The following KDM2A variants were observed in gnomAD, a reference collection of about 807,000 sequenced individuals.
KDM2A encodes the protein lysine-specific demethylase 2A.
KDM2A carries 3 observed loss-of-function variants against 137.3 expected under a neutral mutation model. The observed-to-expected ratio is 0.02, with a 90% CI of 0.01 to 0.06. KDM2A has a LOEUF of 0.06. Among genes scored for constraint, KDM2A ranks in the 10% least tolerant of loss-of-function variants. The pLI is 1.00. For missense variants in KDM2A, 738 were observed against 1,510.6 expected, an observed-to-expected ratio of 0.49 and a Z score of 8.48; for synonymous variants, 512 against 541.5, an observed-to-expected ratio of 0.95 and a Z score of 0.76.
chr11:67,242,580 A>C (rs1859078840), intron 12 of KDM2A, among the ~76,000 whole-genome samples: 1 of 152,202 alleles, frequency 6.6e-6, no homozygotes, highest in South Asian at 2.1e-4. Flanking sequence ...CACCACAGTA[A>C]GTTAGTTGTT....
At chr11:67,173,628 A>T (rs1490283580) in intron 2 of KDM2A, among the ~76,000 whole-genome samples, 1 of 152,048 alleles carries the variant, frequency 6.6e-6, no homozygotes. Flanking sequence ...GGCCAAAGTC[A>T]TCTGCCCGCC....
intron 2 of KDM2A, among the ~76,000 whole-genome samples, chr11:67,179,295 C>T (rs1218582188): frequency 1.3e-5 from 2 of 151,760 alleles, no homozygotes; most frequent in East Asian, 1.9e-4. Flanking sequence ...TTTTTTGAGA[C>T]GAAGTTTTGC....
chr11:67,245,088 G>C lies in KDM2A; in HGVS notation c.1564-101G>C. ...CAAGCAGTGGGCAGATCTGGCCATAGTGGGCCAAGCCCCAGGCTAGGTATG... is the reference window on the plus strand; with the variant it reads ...CAAGCAGTGGGCAGATCTGGCCATACTGGGCCAAGCCCCAGGCTAGGTATG... On this transcript the variant is annotated intron_variant, in intron 13 of 20. Coordinates refer to ENST00000529006, the MANE Select transcript of KDM2A (RefSeq NM_012308.3). This position sits in a 1 kb window ranked among gnomAD's most constrained non-coding sequence, Gnocchi z 4.1. 2 of 1,360,524 alleles carry C rather than the reference G, an allele frequency of 1.5e-6. No individual in the cohort carries two copies. Among genetic ancestry groups the C allele is most frequent in the Non-Finnish European group, 2.0e-6 (2 of 989,956 alleles). 84.3% of individuals were successfully genotyped at this position (1,360,524 alleles called of 1,614,324 possible).
In KDM2A at chr11:67,250,080, T is replaced by C; in HGVS notation, c.2056-6T>C. 6.4e-7 allele frequency: 1 copy of C among 1,573,186 alleles called. No homozygotes were observed. The highest frequency in any genetic ancestry group is 1.2e-5 in the South Asian group (1 of 85,426). ...CTGATGTTGCTTTTCTGGGCCTGTT[T>C]TGCAGAAGCGGAAAATGGAAGAGAG... is the stretch of plus-strand genomic sequence containing the variant. On this transcript the variant is annotated splice_region_variant and splice_polypyrimidine_tract_variant and intron_variant, in intron 16 of 20. Transcript: ENST00000529006. The surrounding 1 kb of genome is among the most constrained non-coding windows in gnomAD (Gnocchi z 7.1).
chr11:67,131,850 C>T (rs966146531), intron 2 of KDM2A: 3 of 152,190 alleles, frequency 2.0e-5, no homozygotes, highest in Admixed American at 6.5e-5. Flanking sequence ...GAACTTATTG[C>T]ACTTGATCTG....
intron 13 of KDM2A, among the ~76,000 whole-genome samples, chr11:67,243,348 T>C (rs1859106871): frequency 6.6e-6 from 1 of 152,236 alleles, no homozygotes; most frequent in South Asian, 2.1e-4. Context: ...TGTGCATTTG[T>C]GCATCCGCTT....
At chr11:67,205,561 G>A (rs1382362650) in intron 5 of KDM2A, among the ~76,000 whole-genome samples, 1 of 152,046 alleles carries the variant, frequency 6.6e-6, no homozygotes, top group Non-Finnish European at 1.5e-5. Flanking sequence ...CCGAGTAGCC[G>A]GGATTACGGG....
intron 2 of KDM2A, among the ~76,000 whole-genome samples, chr11:67,139,080 T>C (rs1471338421): frequency 6.6e-6 from 1 of 152,146 alleles, no homozygotes; most frequent in African/African-American, 2.4e-5. Context: ...TGAAGACTGC[T>C]TCTCCCCCCA....
At chr11:67,156,079 G>A (rs1327389363) in intron 2 of KDM2A, among the ~76,000 whole-genome samples, 1 of 147,378 alleles carries the variant, frequency 6.8e-6, no homozygotes, top group Middle Eastern at 3.4e-3. Flanking sequence ...GAGAAACCCC[G>A]TCTCTACTAA....
chr11:67,233,748 A>G (rs1471443014), intron 12 of KDM2A, among the ~76,000 whole-genome samples: 1 of 151,076 alleles, frequency 6.6e-6, no homozygotes, highest in Non-Finnish European at 1.5e-5. Flanking sequence ...ATACCAAAGG[A>G]AAAAGTAGAA....
intron 2 of KDM2A, among the ~76,000 whole-genome samples, chr11:67,147,946 G>A (rs979121473): frequency 1.3e-5 from 2 of 151,912 alleles, no homozygotes; most frequent in African/African-American, 4.8e-5. Context: ...CAAAGTGCGG[G>A]GATTATAGGT....
At chr11:67,198,119 C>T (rs1190597682) in intron 5 of KDM2A, among the ~76,000 whole-genome samples, 1 of 152,054 alleles carries the variant, frequency 6.6e-6, no homozygotes, top group African/African-American at 2.4e-5. Flanking sequence ...TTTGCTGTCT[C>T]AGGAGTGGCA....
intron 2 of KDM2A, among the ~76,000 whole-genome samples, chr11:67,155,387 C>T (rs1590730277): frequency 1.3e-5 from 2 of 152,138 alleles, no homozygotes; most frequent in South Asian, 4.1e-4. Context: ...TGGTTCATTG[C>T]AGCGTCATAC....
At chr11:67,184,456 C>T (rs1315288624) in intron 5 of KDM2A, among the ~76,000 whole-genome samples, 1 of 151,996 alleles carries the variant, frequency 6.6e-6, no homozygotes, top group Non-Finnish European at 1.5e-5. Context: ...GGTGAAACCC[C>T]GTCTTTACTA....
rs373144982 is a variant in KDM2A at position 67,231,807 on chromosome 11, G to T, written c.1326G>T (p.Gln442His). The change falls in exon 12 of 21, where the codon CAG (glutamine) becomes CAT (histidine). Residue 442 changes from glutamine (Q) to histidine (H), a missense_variant. Gln to His is a conservative substitution (Grantham distance 24, BLOSUM62 0). This residue lies in a region of KDM2A where 113 missense variants were observed against 133.5 expected (regional missense o/e 0.85). Coordinates refer to ENST00000529006, the MANE Select transcript of KDM2A (RefSeq NM_012308.3). The part of the protein sequence containing the change: ...GSHNGQVWDP[Q>H]CAPRKDRQVH... ...ACAATGGACAAGTGTGGGATCCCCAGTGTGCTCCCCGAAAGGACAGGCAAG... is the reference window on the plus strand; with the variant it reads ...ACAATGGACAAGTGTGGGATCCCCATTGTGCTCCCCGAAAGGACAGGCAAG... The T allele has an allele frequency of 1.1e-5, 17 of 1,614,082 alleles. No individual in the cohort carries two copies. In the Admixed American group the frequency reaches 1.5e-4, roughly 14 times the overall value.
chr11:67,247,563 G>T (rs867221934), intron 15 of KDM2A, among the ~76,000 whole-genome samples: 2 of 151,462 alleles, frequency 1.3e-5, no homozygotes, highest in Non-Finnish European at 2.9e-5. Flanking sequence ...GAGTAGCTGG[G>T]ATTACAGGCA....
chr11:67,150,122 A>C (rs1856352320), intron 2 of KDM2A, among the ~76,000 whole-genome samples: 1 of 152,212 alleles, frequency 6.6e-6, no homozygotes, highest in Non-Finnish European at 1.5e-5. Context: ...ATTCTTTACA[A>C]CCCTAGACAA....
rs572177965 is a variant in KDM2A at position 67,147,673 on chromosome 11, C to A, written c.42+26315C>A. ...CTCTGGAGACTGAGTAGTTCCCTTTCATTAGAGATTCTTTTTTTTTTTGAG... is the reference window on the plus strand; with the variant it reads ...CTCTGGAGACTGAGTAGTTCCCTTTAATTAGAGATTCTTTTTTTTTTTGAG... On this transcript the variant is annotated intron_variant, in intron 2 of 20. Transcript: ENST00000529006. Among the ~76,000 whole-genome samples, 3 of 150,186 alleles carry A rather than the reference C, an allele frequency of 2.0e-5. No individual in the cohort carries two copies. In the South Asian group the frequency reaches 6.3e-4, roughly 31 times the overall value.
intron 10 of KDM2A, among the ~76,000 whole-genome samples, chr11:67,224,828 ATTTTTTTTTTTT>A (rs764581976): frequency 1.3e-3 from 84 of 66,288 alleles, no homozygotes; most frequent in African/African-American, 3.3e-3. Context: ...CAGCTGCAGC[ATTTTTTTTTTTT>A]TTTTTTTTTT....
Sources: gnomAD v4.1 joint callset for allele counts (sites outside exome capture counted in the v4.1 genomes callset) on GRCh38, gnomAD v4.1.1 for gene constraint, gnomAD v4.1.1 regional missense constraint, Gnocchi (gnomAD v3.1) non-coding constraint, MANE v1.5 for transcripts, NCBI Gene and HGNC (gene_info 2026-07-23, HGNC 2026-07-21) for gene names.